CNR1: variants seen among roughly 807,000 people sequenced by gnomAD.
The protein encoded by CNR1 is cannabinoid receptor 1 (brain).
Under a neutral mutation model 23.0 loss-of-function variants are expected in CNR1, and 10 were observed. The ratio of observed to expected loss-of-function variants is 0.43; its 90% CI spans 0.27 to 0.74. The LOEUF is 0.74. Ranked by LOEUF, CNR1 falls within the 30% of genes least tolerant of loss-of-function variation. The probability of loss-of-function intolerance (pLI) is 0.19; values close to 1 mark genes in which losing one functional copy is unlikely to be tolerated. For missense variants in CNR1, 422 were observed against 618.8 expected, an observed-to-expected ratio of 0.68 and a Z score of 3.37; for synonymous variants, 271 against 255.2, an observed-to-expected ratio of 1.06 and a Z score of -0.59.
chr6:88,155,979 A>G (rs1271285407), intron 1 of CNR1, among the ~76,000 whole-genome samples: 1 of 152,164 alleles, frequency 6.6e-6, no homozygotes, highest in African/African-American at 2.4e-5. Flanking sequence ...TAGTAAATGA[A>G]AGCTTCAAAC....
At chr6:88,148,299 C>T (rs1215048817) in intron 1 of CNR1, among the ~76,000 whole-genome samples, 1 of 152,182 alleles carries the variant, frequency 6.6e-6, no homozygotes, top group African/African-American at 2.4e-5. Context: ...TATCATGGTA[C>T]TGACCAGATT....
chr6:88,162,880 A>T (rs1253211945), intron 1 of CNR1: 31 of 152,224 alleles, frequency 2.0e-4, no homozygotes, highest in East Asian at 1.9e-4. Context: ...ATTTAAACCC[A>T]AAGCCTGGTT....
Position 88,140,695 on chromosome 6 carries a change from A to G in CNR1, c.*3161T>C, listed in dbSNP as rs1776761773. ...TCAACAGGACAGTAACTATAGCGCTACTCATCCAGGGCCTAATTCTCATCT... is the reference window on the plus strand; with the variant it reads ...TCAACAGGACAGTAACTATAGCGCTGCTCATCCAGGGCCTAATTCTCATCT... On this transcript the variant is annotated 3_prime_UTR_variant, in exon 2 of 2. Transcript: ENST00000369501. 6.6e-6 allele frequency: 1 copy of G among 152,270 alleles called. No individual in the cohort carries two copies. The highest frequency in any genetic ancestry group is 1.5e-5 in the Non-Finnish European group (1 of 68,042). The allele number at this position is 152,270 out of a possible 1,614,324, so 9.4% of individuals were successfully genotyped here. A position where few individuals can be genotyped will look rare whatever the true frequency, so the allele number is the denominator to read the frequency against.
intron 1 of CNR1, chr6:88,164,124 A>G (rs750654052): frequency 1.3e-5 from 2 of 152,364 alleles, no homozygotes; most frequent in Non-Finnish European, 2.9e-5. Context: ...TTTCCTAACA[A>G]CGAGTATGCA....
chr6:88,161,787 T>C (rs1778122116), intron 1 of CNR1, among the ~76,000 whole-genome samples: 1 of 152,174 alleles, frequency 6.6e-6, no homozygotes, highest in Non-Finnish European at 1.5e-5. Context: ...GGTGACAGCG[T>C]CTACTAAAAA....
At position 88,143,700 on chromosome 6, in the gene CNR1, A is replaced by G. The variant is rs1451339871; in HGVS notation, c.*156T>C. On this transcript the variant is annotated 3_prime_UTR_variant, in exon 2 of 2. Coordinates refer to ENST00000369501, the MANE Select transcript of CNR1 (RefSeq NM_016083.6). ...TGGAGTTTGAGTACCTAAACTATGG[A>G]AACATTAGCAAACTGATAAGTGATC... 1.5e-6 allele frequency: 1 copy of G among 646,294 alleles called. No homozygotes were observed. The highest frequency in any genetic ancestry group is 2.7e-6 in the Non-Finnish European group (1 of 369,158). 40.0% of individuals were successfully genotyped at this position (646,294 alleles called of 1,614,324 possible).
chr6:88,146,204 C>CAAGT (rs1371726679), intron 1 of CNR1, among the ~76,000 whole-genome samples: 1 of 152,208 alleles, frequency 6.6e-6, no homozygotes, highest in East Asian at 1.9e-4. Flanking sequence ...CTCCCCAGTT[C>CAAGT]AAGTGATTCT....
At chr6:88,148,082 C>T (rs1273776582) in intron 1 of CNR1, among the ~76,000 whole-genome samples, 1 of 152,216 alleles carries the variant, frequency 6.6e-6, no homozygotes, top group East Asian at 1.9e-4. Context: ...CCTGGCCTTG[C>T]CACTTGGGCT....
At chr6:88,156,121 G>C (rs953803094) in intron 1 of CNR1, among the ~76,000 whole-genome samples, 5 of 152,132 alleles carry the variant, frequency 3.3e-5, no homozygotes, top group Non-Finnish European at 7.3e-5. Flanking sequence ...CTGGAATCAA[G>C]GTAGACAAAT....
At chr6:88,167,079 C>T (rs1181388386), upstream of CNR1, among the ~76,000 whole-genome samples, 2 of 151,884 alleles carry the variant, frequency 1.3e-5, no homozygotes, top group African/African-American at 4.8e-5. Flanking sequence ...CTCGGGCGCG[C>T]CCCGCCCGCC....
upstream of CNR1, among the ~76,000 whole-genome samples, chr6:88,167,141 C>T (rs1447227472): frequency 2.0e-5 from 3 of 152,012 alleles, no homozygotes; most frequent in Admixed American, 1.3e-4. Context: ...CCGCGCCTCC[C>T]GGCCCGGCGC....
chr6:88,157,037 C>T (rs1342828921), intron 1 of CNR1, among the ~76,000 whole-genome samples: 2 of 152,150 alleles, frequency 1.3e-5, no homozygotes, highest in East Asian at 1.9e-4. Context: ...TATTCCAATC[C>T]TTGTTCAGCC....
At chr6:88,160,053 C>T (rs1408986906) in intron 1 of CNR1, among the ~76,000 whole-genome samples, 2 of 151,952 alleles carry the variant, frequency 1.3e-5, no homozygotes, top group African/African-American at 4.8e-5. Context: ...TTAGGCCAGG[C>T]ACGGTAGCAC....
At chr6:88,159,032 G>A (rs185565314) in intron 1 of CNR1, among the ~76,000 whole-genome samples, 1 of 152,200 alleles carries the variant, frequency 6.6e-6, no homozygotes, top group Admixed American at 6.5e-5. Context: ...AATGTAATGT[G>A]TACTGATATA....
At chr6:88,145,369 G>T (rs1777124708) in intron 1 of CNR1, 32 bp from the exon 2 acceptor site, 1 of 966,870 alleles carries the variant, frequency 1.0e-6, no homozygotes, top group Non-Finnish European at 1.6e-6. Flanking sequence ...AAGCCGAATG[G>T]TGAGAAACAG....
chr6:88,153,811 T>G (rs778666846), intron 1 of CNR1, among the ~76,000 whole-genome samples: 7 of 152,256 alleles, frequency 4.6e-5, no homozygotes, highest in Non-Finnish European at 8.8e-5. Context: ...GCTGTCAATA[T>G]ACACGGCAGA....
At chr6:88,154,320 A>G (rs1165858584) in intron 1 of CNR1, among the ~76,000 whole-genome samples, 1 of 152,184 alleles carries the variant, frequency 6.6e-6, no homozygotes, top group Non-Finnish European at 1.5e-5. Flanking sequence ...ACATTTAGAG[A>G]CTAGTTAAAA....
In CNR1 at chr6:88,153,720, A is replaced by G. The variant is rs200821103; in HGVS notation, c.-63-8383T>C. Among the ~76,000 whole-genome samples, 10 of 152,360 alleles carry G rather than the reference A, an allele frequency of 6.6e-5. No homozygotes were observed. In the East Asian group the frequency reaches 1.5e-3, roughly 24 times the overall value. On this transcript the variant is annotated intron_variant, in intron 1 of 1. Coordinates refer to ENST00000369501, the MANE Select transcript of CNR1 (RefSeq NM_016083.6). ...CTGTTTTCTACTAATTTGATCAAGA[A>G]AATACTGTGCTAATGTATTTCTCTA... is the stretch of plus-strand genomic sequence containing the variant.
At chr6:88,157,999 G>A (rs1277287950) in intron 1 of CNR1, among the ~76,000 whole-genome samples, 1 of 152,086 alleles carries the variant, frequency 6.6e-6, no homozygotes, top group Non-Finnish European at 1.5e-5. Flanking sequence ...GTTTCCTTCA[G>A]ACATTATTTT....
Sources: gnomAD v4.1 joint callset for allele counts (sites outside exome capture counted in the v4.1 genomes callset) on GRCh38, gnomAD v4.1.1 for gene constraint, MANE v1.5 for transcripts, NCBI Gene and HGNC (gene_info 2026-07-23, HGNC 2026-07-21) for gene names.